The following FYCO1 variants were observed in gnomAD, a reference collection of about 807,000 sequenced individuals.
The protein encoded by FYCO1 is FYVE and coiled-coil domain autophagy adaptor 1, also known as FYVE and coiled-coil domain-containing protein 1.
A neutral mutation model predicts 165.1 loss-of-function variants in FYCO1; 122 were observed. The ratio of observed to expected loss-of-function variants is 0.74; its 90% CI spans 0.64 to 0.86. The LOEUF (loss-of-function observed/expected upper bound fraction) is 0.86, where lower values mean the gene tolerates loss of function less well. FYCO1 is among the 40% of genes least tolerant of loss of function. The probability of loss-of-function intolerance (pLI) is 0.00; values close to 1 mark genes in which losing one functional copy is unlikely to be tolerated. For synonymous variants in FYCO1, 648 were observed against 742.5 expected, an observed-to-expected ratio of 0.87 and a Z score of 2.07; for missense variants, 1,702 against 1,810.3, an observed-to-expected ratio of 0.94 and a Z score of 1.09.
chr3:45,990,936 C>T (rs1575392810), intron 1 of FYCO1, among the ~76,000 whole-genome samples: 1 of 151,992 alleles, frequency 6.6e-6, no homozygotes, highest in Admixed American at 6.6e-5. Context: ...CCACGACTGG[C>T]AATTTTTTTT....
At chr3:45,969,811 C>A in intron 6 of FYCO1, 46 bp from the exon 7 acceptor site, 1 of 1,540,504 alleles carries the variant, frequency 6.5e-7, no homozygotes, top group Non-Finnish European at 8.9e-7. Flanking sequence ...AGCAGGAAAC[C>A]TAACACATGG....
At chr3:45,937,405 C>T (rs921005053) in intron 14 of FYCO1, among the ~76,000 whole-genome samples, 6 of 152,220 alleles carry the variant, frequency 3.9e-5, no homozygotes, top group African/African-American at 1.4e-4. Context: ...GTCTCTGTGG[C>T]CCCCAAGGGC....
rs1053779315 is a variant in FYCO1, at chr3:45,947,567, C to T, written c.3944+7682G>A. ...AATTTGCAAGTCATGGCTGTGCCCT[C>T]TTGATGTGGTGAGGCAGGCTTTGTT... On this transcript the variant is annotated intron_variant, in intron 14 of 17. Transcript: ENST00000296137. 5.2e-6 allele frequency: 7 copies of T among 1,346,876 alleles called. No individual in the cohort carries two copies. In the African/African-American group the frequency reaches 8.7e-5, roughly 17 times the overall value. The allele number at this position is 1,346,876 out of a possible 1,614,324, so 83.4% of individuals were successfully genotyped here. A position where few individuals can be genotyped will look rare whatever the true frequency, so the allele number is the denominator to read the frequency against.
chr3:45,920,006 C>T lies in FYCO1; in HGVS notation c.*1759G>A, dbSNP rs1475332500. 6.6e-6 allele frequency: 1 copy of T among 152,206 alleles called. No individual in the cohort carries two copies. The highest frequency in any genetic ancestry group is 1.5e-5 in the Non-Finnish European group (1 of 68,054). The allele number at this position is 152,206 out of a possible 1,614,324, so 9.4% of individuals were successfully genotyped here. A position where few individuals can be genotyped will look rare whatever the true frequency, so the allele number is the denominator to read the frequency against. On this transcript the variant is annotated 3_prime_UTR_variant, in exon 18 of 18. Coordinates refer to ENST00000296137, the MANE Select transcript of FYCO1 (RefSeq NM_024513.4). Reference sequence around the variant, plus strand: ...CCAGAAGAGGCTGCTCCAAGGAAGCCGAATGCAAGAGGCCCAGCTTTTCTC... The same window carrying T: ...CCAGAAGAGGCTGCTCCAAGGAAGCTGAATGCAAGAGGCCCAGCTTTTCTC...
intron 14 of FYCO1, chr3:45,947,563 C>A: frequency 1.4e-6 from 2 of 1,393,364 alleles, no homozygotes; most frequent in South Asian, 1.2e-5. Flanking sequence ...CATGGCTGTG[C>A]CCTCTTGATG....
Position 45,925,174 on chromosome 3 carries a change from C to T in FYCO1, c.4252-1409G>A, listed in dbSNP as rs1052006126. 9.2e-5 allele frequency among the ~76,000 whole-genome samples: 14 copies of T among 151,940 alleles called. 1 individual carries two copies. The highest frequency in any genetic ancestry group is 2.7e-4 in the African/African-American group (11 of 41,358). ...CAAACTCCTGACCTAGTGATTCACC[C>T]GCCTCGGCCTCCCAAAGTGCTGGGA... is the stretch of plus-strand genomic sequence containing the variant. On this transcript the variant is annotated intron_variant, in intron 16 of 17. Coordinates refer to ENST00000296137, the MANE Select transcript of FYCO1 (RefSeq NM_024513.4).
rs747483341 is a variant in FYCO1, at chr3:45,967,380, G to A, written c.1954C>T (p.Arg652Trp). Residue 652 changes from arginine (R) to tryptophan (W), a missense_variant, in exon 8 of 18, where the codon CGG (arginine) becomes TGG (tryptophan). By Grantham distance (101) the Arg-to-Trp change is moderately radical. Coordinates refer to ENST00000296137, the MANE Select transcript of FYCO1 (RefSeq NM_024513.4). ...LQADYQALQQRESAIQGSLAS... is the reference protein window; with the variant it reads ...LQADYQALQQWESAIQGSLAS... Reference sequence around the variant, plus strand: ...AAGGAGCCCTGGATGGCTGATTCCCGCTGCTGCAAAGCCTGGTAATCGGCC... The same window carrying A: ...AAGGAGCCCTGGATGGCTGATTCCCACTGCTGCAAAGCCTGGTAATCGGCC... The A allele has an allele frequency of 1.6e-5, 26 of 1,610,406 alleles. No homozygotes were observed. Among genetic ancestry groups the A allele is most frequent in the African/African-American group, 1.3e-4 (10 of 74,990 alleles).
intron 10 of FYCO1, among the ~76,000 whole-genome samples, chr3:45,963,381 C>G (rs1705811800): frequency 6.6e-6 from 1 of 152,180 alleles, no homozygotes; most frequent in Non-Finnish European, 1.5e-5. Flanking sequence ...TTTAAATTGT[C>G]ATATGAACAT....
Position 45,958,573 on chromosome 3 carries a change from G to C in FYCO1, c.3634C>G (p.Leu1212Val). 1 of 1,614,234 alleles carries C rather than the reference G, an allele frequency of 6.2e-7. No homozygotes were observed. Among genetic ancestry groups the C allele is most frequent in the Admixed American group, 1.7e-5 (1 of 60,036 alleles). ...FCYYCCNNYVLSKHGGKKERC... is the reference protein window; with the variant it reads ...FCYYCCNNYVVSKHGGKKERC... ...TCCTTTTTGCCACCGTGCTTGCTCA[G>C]GACGTAGTTGTTGCAGCAGTAGTAA... Residue 1212 changes from leucine (L) to valine (V), a missense_variant, in exon 13 of 18, where the codon CTG becomes GTG. Physicochemically the swap from Leu to Val is conservative, Grantham distance 32. Coordinates refer to ENST00000296137, the MANE Select transcript of FYCO1 (RefSeq NM_024513.4).
intron 14 of FYCO1, chr3:45,938,211 TCA>T (rs1704002158): frequency 3.9e-6 from 5 of 1,289,134 alleles, no homozygotes; most frequent in Non-Finnish European, 5.1e-6. Flanking sequence ...AGCAGATGAT[TCA>T]CAGAGCAGGT....
chr3:45,979,976 C>A (rs576275776), intron 3 of FYCO1, 146 bp from the exon 4 acceptor site: 4 of 1,029,836 alleles, frequency 3.9e-6, no homozygotes, highest in South Asian at 2.8e-5. Context: ...ATTGGCAAAT[C>A]AAGGTGTGTT....
In FYCO1 at chr3:45,984,825, C is replaced by A. The variant is rs375386048; in HGVS notation, c.55+31G>T. The A allele has an allele frequency of 1.4e-5, 22 of 1,613,894 alleles. No homozygotes were observed. In the African/African-American group the frequency reaches 1.5e-4, roughly 11 times the overall value. On this transcript the variant is annotated intron_variant, in intron 2 of 17. Coordinates refer to ENST00000296137, the MANE Select transcript of FYCO1 (RefSeq NM_024513.4). ...AGCCCTGCCACAAGTCCCTCAAAAC[C>A]AAACTCAGCCTGCCCAGCAACCTAC...
At chr3:45,979,322 G>A (rs957344743) in intron 4 of FYCO1, among the ~76,000 whole-genome samples, 3 of 152,198 alleles carry the variant, frequency 2.0e-5, no homozygotes, top group African/African-American at 7.2e-5. Context: ...TGTAGGGAAA[G>A]CAGCATAGCA....
chr3:45,973,286 C>T, intron 5 of FYCO1, 55 bp from the exon 6 acceptor site: 4 of 1,572,888 alleles, frequency 2.5e-6, no homozygotes, highest in South Asian at 2.2e-5. Flanking sequence ...TGAATTTACT[C>T]AGTCCTCCCA....
intron 15 of FYCO1, 89 bp downstream of exon 15, chr3:45,936,359 C>CG: frequency 1.2e-6 from 1 of 840,132 alleles, no homozygotes; most frequent in Non-Finnish European, 2.1e-6. Context: ...TTAGAGCCCC[C>CG]GAGGTGGTCC....
intron 15 of FYCO1, among the ~76,000 whole-genome samples, chr3:45,934,983 A>G (rs1272835933): frequency 6.6e-6 from 1 of 152,184 alleles, no homozygotes; most frequent in Admixed American, 6.5e-5. Flanking sequence ...CCCAGCATCA[A>G]CAGCTTGTGA....
Position 45,959,446 on chromosome 3 carries a change from G to T in FYCO1, c.3534C>A (p.His1178Gln). The T allele has an allele frequency of 1.2e-5, 19 of 1,614,112 alleles. No homozygotes were observed. Among genetic ancestry groups the T allele is most frequent in the Non-Finnish European group, 1.6e-5 (19 of 1,180,010 alleles). ...TGAACTCCCGCTTACAGTCGAGGCA[G>T]TGGTTTGCCTCTGTGTCTCCGAGCC... ...ERWLGDTEAN[H>Q]CLDCKREFSW... The change falls in exon 12 of 18, where the codon CAC becomes CAA. Residue 1178 changes from histidine to glutamine, a missense_variant. Physicochemically the swap from His to Gln is conservative, Grantham distance 24. Coordinates refer to ENST00000296137, the MANE Select transcript of FYCO1 (RefSeq NM_024513.4).
chr3:45,989,659 A>G (rs1213763834), intron 1 of FYCO1, among the ~76,000 whole-genome samples: 1 of 152,194 alleles, frequency 6.6e-6, no homozygotes, highest in Non-Finnish European at 1.5e-5. Flanking sequence ...TCTCTTTCAT[A>G]AAGGGAATGA....
At chr3:45,970,894 T>C (rs1257525510) in intron 6 of FYCO1, among the ~76,000 whole-genome samples, 1 of 149,012 alleles carries the variant, frequency 6.7e-6, no homozygotes, top group African/African-American at 2.4e-5. Context: ...TATATATATA[T>C]ACATATATAA....
Sources: allele counts gnomAD v4.1 joint callset (sites outside exome capture counted in the v4.1 genomes callset), GRCh38; gene constraint gnomAD v4.1.1; transcripts MANE v1.5; gene names NCBI Gene and HGNC (gene_info 2026-07-23, HGNC 2026-07-21).